Variants in ZSCAN5A observed in about 807,000 individuals in gnomAD.
ZSCAN5A encodes the protein zinc finger and SCAN domain containing 5A, also known as zinc finger and SCAN domain-containing protein 5A.
ZSCAN5A carries 12 observed loss-of-function variants against 23.7 expected under a neutral mutation model. That is an observed-to-expected ratio of 0.51 (90% confidence interval 0.32 to 0.82). The LOEUF is 0.82. ZSCAN5A is among the 40% of genes least tolerant of loss of function. ZSCAN5A has a pLI of 0.03. For missense variants in ZSCAN5A, 597 were observed against 617.9 expected (o/e 0.97, Z 0.36); for synonymous variants, 257 against 239.9 (o/e 1.07, Z -0.66).
At chr19:56,290,626 T>G (rs182445874) in intron 2 of ZSCAN5A, among the ~76,000 whole-genome samples, 8 of 152,244 alleles carry the variant, frequency 5.3e-5, no homozygotes, top group Non-Finnish European at 1.0e-4. Flanking sequence ...TGGGAGGCTG[T>G]GGTGGGAGGA....
At chr19:56,318,801 T>C (rs1696939395), upstream of ZSCAN5A, among the ~76,000 whole-genome samples, 1 of 152,216 alleles carries the variant, frequency 6.6e-6, no homozygotes, top group African/African-American at 2.4e-5. Context: ...ATCACGCATT[T>C]AATAGCAGAA....
chr19:56,363,333 CTCTG>C (rs1417186241), exon 2 of ZSCAN5A: 3 of 152,286 alleles, frequency 2.0e-5, no homozygotes, highest in African/African-American at 4.8e-5. Context: ...TCTCTGCTGC[CTCTG>C]TCTGTTTTCT....
At chr19:56,246,793 GATGCTGAC>G (rs1479950284) in intron 2 of ZSCAN5A, 2 of 1,608,494 alleles carry the variant, frequency 1.2e-6, no homozygotes. Context: ...CGAAAATGTG[GATGCTGAC>G]ACACCTTCTG....
intron 2 of ZSCAN5A, among the ~76,000 whole-genome samples, chr19:56,349,785 C>T (rs1306835397): frequency 1.3e-5 from 2 of 150,470 alleles, no homozygotes; most frequent in Non-Finnish European, 3.0e-5. Context: ...GTGAGGGCTA[C>T]GCATCTTACT....
At chr19:56,229,269 T>C (rs1029268630) in intron 2 of ZSCAN5A, among the ~76,000 whole-genome samples, 1 of 152,220 alleles carries the variant, frequency 6.6e-6, no homozygotes, top group African/African-American at 2.4e-5. Flanking sequence ...AATTTTACAC[T>C]GATTCTGGTT....
At chr19:56,299,736 A>G (rs1447483418) in intron 2 of ZSCAN5A, 1 of 152,188 alleles carries the variant, frequency 6.6e-6, no homozygotes, top group Non-Finnish European at 1.5e-5. Context: ...TAGTTATTGT[A>G]CTGTTATATT....
At chr19:56,310,851 A>G (rs1229822149) in intron 2 of ZSCAN5A, among the ~76,000 whole-genome samples, 1 of 152,072 alleles carries the variant, frequency 6.6e-6, no homozygotes, top group East Asian at 1.9e-4. Context: ...TCCCAGCTCC[A>G]CCCCTTAATA....
chr19:56,355,035 C>T (rs1441531851), intron 2 of ZSCAN5A, among the ~76,000 whole-genome samples: 2 of 152,142 alleles, frequency 1.3e-5, no homozygotes, highest in Non-Finnish European at 2.9e-5. Context: ...TAGCTGTAAA[C>T]CAGCACCTGA....
intron 2 of ZSCAN5A, chr19:56,322,246 TA>T: frequency 9.1e-7 from 1 of 1,101,660 alleles, no homozygotes; most frequent in Non-Finnish European, 1.4e-6. Flanking sequence ...GAGAAAGTCC[TA>T]AAACAGTTGC....
intron 2 of ZSCAN5A, among the ~76,000 whole-genome samples, chr19:56,231,535 C>T (rs1377134726): frequency 6.6e-6 from 1 of 152,200 alleles, no homozygotes; most frequent in African/African-American, 2.4e-5. Context: ...CCACATCTTT[C>T]CCCACCTCAC....
chr19:56,232,801 C>T (rs538240833), intron 2 of ZSCAN5A, among the ~76,000 whole-genome samples: 8 of 152,252 alleles, frequency 5.3e-5, no homozygotes, highest in Admixed American at 1.3e-4. Context: ...ACCTCAGCTT[C>T]CCCAGTAGCT....
At chr19:56,312,769 A>C (rs1046596076) in intron 2 of ZSCAN5A, among the ~76,000 whole-genome samples, 5 of 152,246 alleles carry the variant, frequency 3.3e-5, no homozygotes, top group African/African-American at 1.2e-4. Context: ...TAAAAATGTA[A>C]AATAAAAAAT....
chr19:56,314,223 G>GTGAA (rs1405928461), intron 1 of ZSCAN5A: 4 of 152,244 alleles, frequency 2.6e-5, no homozygotes, highest in African/African-American at 4.8e-5. Context: ...TCGGCTCTCA[G>GTGAA]TGAATGAATG....
At chr19:56,286,634 T>C (rs1445173524) in intron 2 of ZSCAN5A, 1 of 152,244 alleles carries the variant, frequency 6.6e-6, no homozygotes, top group African/African-American at 2.4e-5. Flanking sequence ...TGAAGGTTGT[T>C]CCCGCTGTTC....
At chr19:56,326,144 A>G (rs903635700) in intron 2 of ZSCAN5A, among the ~76,000 whole-genome samples, 10 of 151,608 alleles carry the variant, frequency 6.6e-5, no homozygotes, top group African/African-American at 2.4e-4. Context: ...TCACCGTGTT[A>G]GCCAGGATGG....
At chr19:56,328,699 T>C (rs779373505) in intron 2 of ZSCAN5A, among the ~76,000 whole-genome samples, 1 of 140,262 alleles carries the variant, frequency 7.1e-6, no homozygotes, top group Non-Finnish European at 1.5e-5. Flanking sequence ...ATAAACCAAA[T>C]GTGGGTCAAA....
At chr19:56,321,292 AAAT>A (rs1190673125) in intron 2 of ZSCAN5A, 1 of 661,994 alleles carries the variant, frequency 1.5e-6, no homozygotes, top group African/African-American at 1.8e-5. Context: ...GGTAAGAAGA[AAAT>A]AACTCGCCCA....
intron 2 of ZSCAN5A, among the ~76,000 whole-genome samples, chr19:56,299,149 T>TG (rs2040068685): frequency 6.6e-6 from 1 of 152,130 alleles, no homozygotes. Flanking sequence ...ATTTTTTTTT[T>TG]GAGACACGGT....
intron 2 of ZSCAN5A, among the ~76,000 whole-genome samples, chr19:56,257,379 C>T (rs1445268791): frequency 2.6e-5 from 4 of 152,142 alleles, no homozygotes; most frequent in Non-Finnish European, 5.9e-5. Flanking sequence ...ACAGATGTCA[C>T]GGGAGGATAC....
Sources: gnomAD v4.1 joint callset for allele counts (sites outside exome capture counted in the v4.1 genomes callset) on GRCh38, gnomAD v4.1.1 for gene constraint, MANE v1.5 for transcripts, NCBI Gene and HGNC (gene_info 2026-07-23, HGNC 2026-07-21) for gene names.